The following ZNF451 variants were observed in gnomAD, a reference collection of about 807,000 sequenced individuals.
ZNF451 encodes the protein zinc finger protein 451, also known as E3 SUMO-protein ligase ZNF451.
ZNF451 carries 80 observed loss-of-function variants against 107.1 expected under a neutral mutation model. The ratio of observed to expected loss-of-function variants is 0.75; its 90% CI spans 0.62 to 0.90. ZNF451 has a LOEUF of 0.90. Among genes scored for constraint, ZNF451 ranks in the 40% least tolerant of loss-of-function variants. The probability of loss-of-function intolerance (pLI) is 0.00; values close to 1 mark genes in which losing one functional copy is unlikely to be tolerated. For synonymous variants in ZNF451, 362 were observed against 406.5 expected, an observed-to-expected ratio of 0.89 and a Z score of 1.32; for missense variants, 1,107 against 1,236.2, an observed-to-expected ratio of 0.90 and a Z score of 1.57.
At chr6:57,101,894 T>C in intron 3 of ZNF451, 1 of 1,550,596 alleles carries the variant, frequency 6.4e-7, no homozygotes, top group Non-Finnish European at 8.7e-7. Flanking sequence ...AAAGCTGTTG[T>C]TGCAGAAGAC....
chr6:57,117,295 C>T lies in ZNF451; in HGVS notation c.187-7439C>T, dbSNP rs901779381. ...AGGAATGTTTCCTTTGAGCTTCATA[C>T]GGGCACTCAAAAAGTTTTGGATTTT... On this transcript the variant is annotated intron_variant, in intron 3 of 14. Transcript: ENST00000370706. Among the ~76,000 whole-genome samples, 4 of 147,522 alleles carry T rather than the reference C, an allele frequency of 2.7e-5. No homozygotes were observed. In the South Asian group the frequency reaches 6.4e-4, roughly 24 times the overall value.
chr6:57,125,125 CAG>C (rs1395212913), intron 4 of ZNF451, among the ~76,000 whole-genome samples: 1 of 152,112 alleles, frequency 6.6e-6, no homozygotes, highest in Admixed American at 6.5e-5. Context: ...TTTCTCAAAA[CAG>C]ATGAGCAATT....
chr6:57,133,338 A>C (rs781305082), intron 6 of ZNF451, 146 bp downstream of exon 6: 21 of 862,034 alleles, frequency 2.4e-5, no homozygotes, highest in Non-Finnish European at 3.4e-5. Context: ...ATTATGATAT[A>C]ATTTTTTCAT....
intron 10 of ZNF451, 63 bp downstream of exon 10, chr6:57,148,756 C>T: frequency 6.9e-7 from 1 of 1,452,196 alleles, no homozygotes; most frequent in East Asian, 2.3e-5. Flanking sequence ...ATGTACCCAC[C>T]TCGATTCAAT....
rs527583324 is a variant in ZNF451 at position 57,090,189 on chromosome 6, T to G, written c.-65T>G. The stretch of plus-strand genomic sequence containing the variant: ...CAGGCGGTGCAGGGCGGGAAGGGGA[T>G]TCGTGGCGACGGCGGCGGCAGGGAC... On this transcript the variant is annotated 5_prime_UTR_variant, in exon 1 of 15. Transcript: ENST00000370706. The G allele has an allele frequency of 2.5e-5, 39 of 1,570,142 alleles. No individual in the cohort carries two copies. The highest frequency in any genetic ancestry group is 1.5e-4 in the African/African-American group (11 of 74,346).
intron 13 of ZNF451, chr6:57,158,473 T>C: frequency 1.0e-6 from 1 of 982,256 alleles, no homozygotes; most frequent in Non-Finnish European, 1.2e-6. Context: ...CTAATTTCTT[T>C]AGGATCTTTT....
At position 57,126,368 on chromosome 6, in the gene ZNF451, T is replaced by G. The variant is rs796993042; in HGVS notation, c.312+1509T>G. ...TTCTTACTTTGATTCCCTTTATGGATTACTTATTTTTTAAAAGTAGATGAC... is the reference window on the plus strand; with the variant it reads ...TTCTTACTTTGATTCCCTTTATGGAGTACTTATTTTTTAAAAGTAGATGAC... On this transcript the variant is annotated intron_variant, in intron 4 of 14. Coordinates refer to ENST00000370706, the MANE Select transcript of ZNF451 (RefSeq NM_001031623.3). 3.9e-5 allele frequency among the ~76,000 whole-genome samples: 6 copies of G among 152,214 alleles called. No individual in the cohort carries two copies. The East Asian group carries it at 9.6e-4, about 24-fold the overall frequency.
At chr6:57,106,390 A>T (rs538131797) in intron 3 of ZNF451, 1 of 794,160 alleles carries the variant, frequency 1.3e-6, no homozygotes. Context: ...GCTGACTGCA[A>T]CCGCCACCTC....
intron 3 of ZNF451, chr6:57,109,403 T>A (rs989828026): frequency 1.0e-6 from 1 of 985,326 alleles, no homozygotes; most frequent in Non-Finnish European, 1.2e-6. Flanking sequence ...ACCTTGACCC[T>A]CAGCATTAGC....
At chr6:57,137,620 T>C (rs1745993742) in intron 7 of ZNF451, among the ~76,000 whole-genome samples, 1 of 152,208 alleles carries the variant, frequency 6.6e-6, no homozygotes, top group Non-Finnish European at 1.5e-5. Flanking sequence ...CTTTTCTCCC[T>C]GTTGTGTGAT....
chr6:57,109,179 C>A (rs1022629620), intron 3 of ZNF451: 1 of 985,336 alleles, frequency 1.0e-6, no homozygotes, highest in Non-Finnish European at 1.2e-6. Flanking sequence ...TAAGATTATT[C>A]TTGATTCGTA....
intron 4 of ZNF451, among the ~76,000 whole-genome samples, chr6:57,125,434 C>T (rs1830885933): frequency 1.3e-5 from 2 of 152,130 alleles, no homozygotes; most frequent in South Asian, 4.1e-4. Context: ...TCAATAGTGA[C>T]AAATGTCCTT....
At chr6:57,097,255 G>T (rs1444910102) in intron 2 of ZNF451, among the ~76,000 whole-genome samples, 1 of 152,124 alleles carries the variant, frequency 6.6e-6, no homozygotes, top group African/African-American at 2.4e-5. Flanking sequence ...CTTGGTATCT[G>T]AATTAGTACC....
At chr6:57,108,559 G>C (rs1465903868) in intron 3 of ZNF451, 2 of 985,236 alleles carry the variant, frequency 2.0e-6, no homozygotes, top group African/African-American at 3.5e-5. Flanking sequence ...ACTACTGTTA[G>C]GTATGCAGCC....
intron 3 of ZNF451, among the ~76,000 whole-genome samples, chr6:57,123,199 GAC>G (rs1830728171): frequency 6.6e-6 from 1 of 152,120 alleles, no homozygotes; most frequent in Admixed American, 6.5e-5. Flanking sequence ...TCACCAAAAA[GAC>G]ACATGTATGT....
intron 9 of ZNF451, among the ~76,000 whole-genome samples, chr6:57,145,489 A>G (rs1417659214): frequency 1.3e-5 from 2 of 152,084 alleles, no homozygotes; most frequent in Non-Finnish European, 2.9e-5. Flanking sequence ...ATATCTGTTT[A>G]TTATTCCACT....
Position 57,156,460 on chromosome 6 carries a change from A to G in ZNF451, c.3070+2413A>G, listed in dbSNP as rs563260146. Among the ~76,000 whole-genome samples the G allele has an allele frequency of 5.3e-5, 8 of 152,318 alleles. No individual in the cohort carries two copies. The South Asian group carries it at 1.2e-3, about 24-fold the overall frequency. ...CATTAATAATATAATTTTTGTTACTAAAGAATGCCAGATAACTCCTTGCAC... is the reference window on the plus strand; with the variant it reads ...CATTAATAATATAATTTTTGTTACTGAAGAATGCCAGATAACTCCTTGCAC... On this transcript the variant is annotated intron_variant, in intron 13 of 14. Transcript: ENST00000370706.
intron 2 of ZNF451, chr6:57,091,515 C>T (rs577658762): frequency 6.6e-6 from 1 of 151,590 alleles, no homozygotes; most frequent in South Asian, 2.1e-4. Context: ...AATTTCCAGG[C>T]GGGGGCCTAG....
At chr6:57,152,913 T>C (rs543780486) in intron 12 of ZNF451, among the ~76,000 whole-genome samples, 1 of 152,300 alleles carries the variant, frequency 6.6e-6, no homozygotes, top group East Asian at 1.9e-4. Flanking sequence ...GTATTTGATA[T>C]ATATTAAGAC....
Sources: gnomAD v4.1 joint callset for allele counts (sites outside exome capture counted in the v4.1 genomes callset) on GRCh38, gnomAD v4.1.1 for gene constraint, MANE v1.5 for transcripts, NCBI Gene and HGNC (gene_info 2026-07-23, HGNC 2026-07-21) for gene names.